The following ACBD5 variants were observed in gnomAD, a reference collection of about 807,000 sequenced individuals.
ACBD5 encodes acyl-CoA-binding domain-containing protein 5.
Under a neutral mutation model 71.8 loss-of-function variants are expected in ACBD5, and 40 were observed. The observed-to-expected ratio is 0.56, with a 90% CI of 0.43 to 0.72. ACBD5 has a LOEUF of 0.72. Among genes scored for constraint, ACBD5 ranks in the 30% least tolerant of loss-of-function variants. The pLI is 0.00. For synonymous variants in ACBD5, 229 were observed against 218.6 expected (o/e 1.05, Z -0.42); for missense variants, 559 against 644.5 (o/e 0.87, Z 1.44).
At chr10:27,239,193 A>C (rs2138551558) in intron 2 of ACBD5, among the ~76,000 whole-genome samples, 1 of 152,216 alleles carries the variant, frequency 6.6e-6, no homozygotes, top group East Asian at 1.9e-4. Flanking sequence ...GCGGAACTCC[A>C]TCTCTAAAGA....
At chr10:27,199,190 T>C (rs2059663373) in intron 12 of ACBD5, among the ~76,000 whole-genome samples, 2 of 151,476 alleles carry the variant, frequency 1.3e-5, no homozygotes, top group Admixed American at 6.6e-5. Context: ...CCCCCAATCT[T>C]TTTTTCTTTT....
intron 4 of ACBD5, among the ~76,000 whole-genome samples, chr10:27,229,964 T>C (rs2063635210): frequency 6.6e-6 from 1 of 152,148 alleles, no homozygotes; most frequent in South Asian, 2.1e-4. Flanking sequence ...TGCCTCATCG[T>C]CCTCCAACTT....
At chr10:27,206,420 C>A (rs1049461335) in intron 10 of ACBD5, among the ~76,000 whole-genome samples, 23 of 151,754 alleles carry the variant, frequency 1.5e-4, no homozygotes, top group Non-Finnish European at 3.1e-4. Context: ...AGTTTGAGAC[C>A]AGCCTGGGCA....
At chr10:27,223,219 T>C in intron 5 of ACBD5, 119 bp downstream of exon 5, 1 of 777,140 alleles carries the variant, frequency 1.3e-6, no homozygotes, top group Non-Finnish European at 2.3e-6. Flanking sequence ...TCTAAACATT[T>C]AGAGATTTTC....
chr10:27,241,370 G>A (rs1435213638), upstream of ACBD5, among the ~76,000 whole-genome samples: 1 of 152,182 alleles, frequency 6.6e-6, no homozygotes, highest in Non-Finnish European at 1.5e-5. Context: ...GGGGACCTTG[G>A]ATGGAGGTGC....
At chr10:27,221,546 T>G (rs61849041) in intron 5 of ACBD5, among the ~76,000 whole-genome samples, 4,206 of 152,312 alleles carry the variant, frequency 0.028, 108 homozygotes, top group Middle Eastern at 0.048. Context: ...GGCCAGTGGC[T>G]GGACACCACA....
At chr10:27,223,244 C>T (rs753847501) in intron 5 of ACBD5, 94 bp downstream of exon 5, 7 of 871,692 alleles carry the variant, frequency 8.0e-6, no homozygotes, top group Admixed American at 1.9e-5. Context: ...GTCGGACTGG[C>T]GCGTGAAAGT....
At chr10:27,225,519 T>C (rs1034382556) in intron 4 of ACBD5, among the ~76,000 whole-genome samples, 1 of 152,336 alleles carries the variant, frequency 6.6e-6, no homozygotes, top group Middle Eastern at 3.4e-3. Context: ...TGTAGTAAAT[T>C]ATCTGATTGC....
At position 27,239,635 on chromosome 10, in the gene ACBD5, ATAGT is replaced by A. The variant is rs374352531; in HGVS notation, c.181+680_181+683del. ...AATAGAAATTACTTCACAATTGACTATAGTTATTCTTTCTTTTCTGTCCCTTCAT... is the reference window on the plus strand; with the variant it reads ...AATAGAAATTACTTCACAATTGACTATATTCTTTCTTTTCTGTCCCTTCAT... On this transcript the variant is annotated intron_variant, in intron 2 of 12. Coordinates refer to ENST00000396271, the MANE Select transcript of ACBD5 (RefSeq NM_145698.5). Among the ~76,000 whole-genome samples the A allele has an allele frequency of 2.4e-3, 366 of 152,308 alleles. 2 individuals carry two copies. Among genetic ancestry groups the A allele is most frequent in the African/African-American group, 8.3e-3 (347 of 41,564 alleles).
upstream of ACBD5, chr10:27,241,981 G>C (rs2065552601): frequency 1.3e-5 from 6 of 452,568 alleles, no homozygotes; most frequent in Non-Finnish European, 2.7e-5. Flanking sequence ...AGGGGGATGG[G>C]TTAGGAGGGT....
chr10:27,229,448 T>A (rs990851037), intron 4 of ACBD5, among the ~76,000 whole-genome samples: 1 of 151,672 alleles, frequency 6.6e-6, no homozygotes, highest in Non-Finnish European at 1.5e-5. Context: ...AAAAATTAGC[T>A]GGGCGTGACG....
At chr10:27,228,809 ATATATATTTTTTT>A (rs1449633090) in intron 4 of ACBD5, among the ~76,000 whole-genome samples, 1,101 of 14,776 alleles carry the variant, frequency 0.075, 13 homozygotes, top group Middle Eastern at 0.17. Context: ...ATATATATAT[ATATATATTTTTTT>A]TTTTTTTTTT....
intron 4 of ACBD5, among the ~76,000 whole-genome samples, chr10:27,229,500 G>A (rs1262806110): frequency 2.0e-5 from 3 of 151,706 alleles, no homozygotes; most frequent in Non-Finnish European, 1.5e-5. Context: ...GCTGAGGCAC[G>A]CACCACTGCA....
chr10:27,233,282 C>T (rs550704712), intron 3 of ACBD5, among the ~76,000 whole-genome samples: 3 of 152,190 alleles, frequency 2.0e-5, no homozygotes, highest in African/African-American at 4.8e-5. Flanking sequence ...TAAAAATTAG[C>T]CAGGCGTGGT....
At chr10:27,199,633 G>A (rs1215381256) in intron 12 of ACBD5, among the ~76,000 whole-genome samples, 3 of 152,128 alleles carry the variant, frequency 2.0e-5, no homozygotes, top group African/African-American at 7.2e-5. Context: ...GACTTTTTGT[G>A]TCAGTGCCTT....
At chr10:27,190,668 AG>A (rs2059040999), downstream of ACBD5, among the ~76,000 whole-genome samples, 1 of 152,192 alleles carries the variant, frequency 6.6e-6, no homozygotes, top group Admixed American at 6.5e-5. Context: ...TGTTTACACC[AG>A]GTCTTTCAAT....
intron 4 of ACBD5, among the ~76,000 whole-genome samples, chr10:27,226,808 T>C (rs746025500): frequency 2.0e-5 from 3 of 151,508 alleles, no homozygotes; most frequent in Non-Finnish European, 4.4e-5. Flanking sequence ...TGCACCACCA[T>C]GATCAGCTAA....
At chr10:27,190,232 C>A (rs920716679), downstream of ACBD5, among the ~76,000 whole-genome samples, 3 of 152,078 alleles carry the variant, frequency 2.0e-5, no homozygotes, top group Non-Finnish European at 4.4e-5. Flanking sequence ...TTACAGTGAG[C>A]CAAAATGGCG....
rs1020371441 is a variant in ACBD5, at chr10:27,215,467, C to T, written c.936+68G>A. 2.0e-5 allele frequency: 20 copies of T among 1,014,316 alleles called. No individual in the cohort carries two copies. The Admixed American group carries it at 2.7e-4, about 14-fold the overall frequency. The allele number at this position is 1,014,316 out of a possible 1,614,324, so 62.8% of individuals were successfully genotyped here. On this transcript the variant is annotated intron_variant, in intron 8 of 12. Transcript: ENST00000396271. ...AAATAGCATGTATATTTGCTACTAA[C>T]AGAAGTTACGCATTGAATTCTAATA... is the stretch of plus-strand genomic sequence containing the variant.
Sources: allele counts gnomAD v4.1 joint callset (sites outside exome capture counted in the v4.1 genomes callset), GRCh38; gene constraint gnomAD v4.1.1; transcripts MANE v1.5; gene names NCBI Gene and HGNC (gene_info 2026-07-23, HGNC 2026-07-21).